SLC8A1: variants seen among roughly 807,000 people sequenced by gnomAD.
SLC8A1 encodes the protein sodium/calcium exchanger 1.
A neutral mutation model predicts 68.3 loss-of-function variants in SLC8A1; 18 were observed. The ratio of observed to expected loss-of-function variants is 0.26; its 90% CI spans 0.18 to 0.39. The LOEUF is 0.39. Ranked by LOEUF, SLC8A1 falls within the 10% of genes least tolerant of loss-of-function variation. The pLI is 1.00. For missense variants in SLC8A1, 985 were observed against 1,156.7 expected (o/e 0.85, Z 2.15); for synonymous variants, 475 against 415.5 (o/e 1.14, Z -1.74).
At chr2:40,168,805 C>T (rs1009504133) in intron 4 of SLC8A1, among the ~76,000 whole-genome samples, 1 of 152,184 alleles carries the variant, frequency 6.6e-6, no homozygotes, top group African/African-American at 2.4e-5. Flanking sequence ...TATACTCTTT[C>T]TCCTCCTGAG....
chr2:40,499,490 T>A (rs897567792), intron 1 of SLC8A1, among the ~76,000 whole-genome samples: 1 of 152,182 alleles, frequency 6.6e-6, no homozygotes, highest in Non-Finnish European at 1.5e-5. Context: ...GGTGAGTTGT[T>A]CCCCAAGGAA....
At chr2:40,189,016 C>T (rs1403938153) in intron 2 of SLC8A1, among the ~76,000 whole-genome samples, 1 of 152,076 alleles carries the variant, frequency 6.6e-6, no homozygotes, top group Non-Finnish European at 1.5e-5. Flanking sequence ...GAGAATAGGA[C>T]CTTAGGTATT....
chr2:40,140,138 A>T (rs2041274132), intron 6 of SLC8A1, among the ~76,000 whole-genome samples: 5 of 152,190 alleles, frequency 3.3e-5, no homozygotes, highest in Admixed American at 2.6e-4. Flanking sequence ...CTACAGGATA[A>T]TGTTCACACA....
intron 2 of SLC8A1, among the ~76,000 whole-genome samples, chr2:40,345,460 A>G (rs1668951351): frequency 6.6e-6 from 1 of 152,174 alleles, no homozygotes; most frequent in Non-Finnish European, 1.5e-5. Context: ...AGATTGTCAG[A>G]ACAAAAAAAA....
At chr2:40,336,223 T>G (rs755791984) in intron 2 of SLC8A1, among the ~76,000 whole-genome samples, 2 of 152,216 alleles carry the variant, frequency 1.3e-5, no homozygotes, top group Non-Finnish European at 2.9e-5. Flanking sequence ...GTACAGCAAC[T>G]ATCATATTGC....
chr2:40,501,773 C>A (rs1706073802), intron 1 of SLC8A1, among the ~76,000 whole-genome samples: 1 of 151,980 alleles, frequency 6.6e-6, no homozygotes, highest in Non-Finnish European at 1.5e-5. Flanking sequence ...CAATCCAAGG[C>A]CTCATCTCAT....
At chr2:40,185,918 A>G (rs574628704) in intron 2 of SLC8A1, among the ~76,000 whole-genome samples, 9 of 152,222 alleles carry the variant, frequency 5.9e-5, no homozygotes, top group African/African-American at 2.2e-4. Flanking sequence ...GAAAACTGTG[A>G]TTTCCACAGT....
intron 1 of SLC8A1, among the ~76,000 whole-genome samples, chr2:40,504,748 A>C (rs1706262391): frequency 6.6e-6 from 1 of 152,034 alleles, no homozygotes; most frequent in South Asian, 2.1e-4. Flanking sequence ...ATGCAAATCA[A>C]AACTAAATGT....
intron 2 of SLC8A1, among the ~76,000 whole-genome samples, chr2:40,185,952 G>A (rs940828554): frequency 5.9e-5 from 9 of 152,004 alleles, no homozygotes; most frequent in African/African-American, 1.7e-4. Context: ...AAAGCTAAGC[G>A]CCACTGCTGT....
chr2:40,471,981 C>T lies in SLC8A1; in HGVS notation c.-25+40368G>A, dbSNP rs1576629490. ...ATCACATTAGGATAGAGAACTCTTC[C>T]TGCTTGTGAAAGGAGGAGAGGAGGA... On this transcript the variant is annotated intron_variant, in intron 1 of 7. Transcript: ENST00000402441. 2.0e-5 allele frequency among the ~76,000 whole-genome samples: 3 copies of T among 152,184 alleles called. No individual in the cohort carries two copies. In the South Asian group the frequency reaches 6.2e-4, roughly 32 times the overall value.
exon 8 of SLC8A1, chr2:40,107,133 TG>T (rs919669490): frequency 6.6e-6 from 1 of 151,916 alleles, no homozygotes; most frequent in Non-Finnish European, 1.5e-5. Context: ...GTGGTGGGAC[TG>T]GGTGGGCCTC....
exon 8 of SLC8A1, chr2:40,112,735 C>G (rs891855948): frequency 2.6e-5 from 4 of 152,184 alleles, no homozygotes; most frequent in African/African-American, 9.7e-5. Context: ...TAGAAAAGTT[C>G]CATTGCCAAC....
intron 2 of SLC8A1, among the ~76,000 whole-genome samples, chr2:40,365,721 C>T (rs1023244095): frequency 3.9e-5 from 6 of 151,940 alleles, no homozygotes; most frequent in Non-Finnish European, 1.5e-5. Flanking sequence ...GCTTATTTGG[C>T]CAGGTGCAGT....
chr2:40,156,373 T>TTTTTTTTTTTTA (rs2044496038), intron 6 of SLC8A1, among the ~76,000 whole-genome samples: 2 of 151,936 alleles, frequency 1.3e-5, no homozygotes, highest in Admixed American at 6.6e-5. Flanking sequence ...TTTTTTTTTT[T>TTTTTTTTTTTTA]GAGTCACTTT....
chr2:40,377,929 T>C (rs1011429407), intron 2 of SLC8A1, among the ~76,000 whole-genome samples: 3 of 152,146 alleles, frequency 2.0e-5, no homozygotes, highest in South Asian at 2.1e-4. Context: ...TGTAATGAAG[T>C]CTTCTTATTG....
chr2:40,194,425 C>A (rs1035551663), intron 2 of SLC8A1, among the ~76,000 whole-genome samples: 4 of 150,838 alleles, frequency 2.7e-5, no homozygotes, highest in Admixed American at 2.7e-4. Flanking sequence ...AAGGATAACA[C>A]TGAGCGATCA....
intron 2 of SLC8A1, among the ~76,000 whole-genome samples, chr2:40,319,819 T>A (rs1226693541): frequency 6.6e-6 from 1 of 152,124 alleles, no homozygotes; most frequent in East Asian, 1.9e-4. Flanking sequence ...TCCACTTTCT[T>A]ATCAATTTCT....
intron 2 of SLC8A1, among the ~76,000 whole-genome samples, chr2:40,336,481 A>C (rs1291090747): frequency 6.6e-6 from 1 of 152,218 alleles, no homozygotes; most frequent in Non-Finnish European, 1.5e-5. Flanking sequence ...CTAAACTAGT[A>C]CAGAGGGCTC....
chr2:40,416,664 C>T (rs1429169974), intron 2 of SLC8A1, among the ~76,000 whole-genome samples: 4 of 152,058 alleles, frequency 2.6e-5, no homozygotes, highest in African/African-American at 9.7e-5. Context: ...CCCAAAGCTG[C>T]TGGTCTGGTC....
Sources: allele counts gnomAD v4.1 joint callset (sites outside exome capture counted in the v4.1 genomes callset), GRCh38; gene constraint gnomAD v4.1.1; transcripts MANE v1.5; gene names NCBI Gene and HGNC (gene_info 2026-07-23, HGNC 2026-07-21).